The following GLIS3 variants were observed in gnomAD, a reference collection of about 807,000 sequenced individuals.
The protein encoded by GLIS3 is GLIS family zinc finger 3.
In GLIS3, 53 loss-of-function variants were observed where a neutral mutation model predicts 78.6. That is an observed-to-expected ratio of 0.67 (90% CI 0.54 to 0.85). The LOEUF (loss-of-function observed/expected upper bound fraction) is 0.85. Among genes scored for constraint, GLIS3 ranks in the 40% least tolerant of loss-of-function variants. The probability of loss-of-function intolerance (pLI) is 0.00; values close to 1 mark genes in which losing one functional copy is unlikely to be tolerated. For synonymous variants in GLIS3, 684 were observed against 509.9 expected, an observed-to-expected ratio of 1.34 and a Z score of -4.60; for missense variants, 1,703 against 1,231.1, an observed-to-expected ratio of 1.38 and a Z score of -5.74.
chr9:3,864,116 C>T (rs1033884120), intron 8 of GLIS3, among the ~76,000 whole-genome samples: 1 of 151,882 alleles, frequency 6.6e-6, no homozygotes, highest in African/African-American at 2.4e-5. Context: ...CAGAGTGGTC[C>T]TAGACATTTG....
chr9:3,909,864 C>T (rs1409931691), intron 6 of GLIS3, among the ~76,000 whole-genome samples: 9 of 152,178 alleles, frequency 5.9e-5, no homozygotes. Context: ...TAATTGATAG[C>T]CACTAGCCAT....
chr9:3,879,611 A>G lies in GLIS3; in HGVS notation c.2129-16T>C, dbSNP rs369287444. On this transcript the variant is annotated splice_polypyrimidine_tract_variant and intron_variant, in intron 7 of 10. Coordinates refer to ENST00000381971, the MANE Select transcript of GLIS3 (RefSeq NM_001042413.2). ...AAAATGGGAGCTGAAATCAAGGGAG[A>G]ACAAACATGAGACCGTGCCCCAAAG... 3 of 1,613,600 alleles carry G rather than the reference A, an allele frequency of 1.9e-6. No homozygotes were observed. The highest frequency in any genetic ancestry group is 2.5e-6 in the Non-Finnish European group (3 of 1,179,874).
intron 4 of GLIS3, among the ~76,000 whole-genome samples, chr9:3,993,790 T>C (rs780602188): frequency 2.6e-4 from 39 of 152,254 alleles, no homozygotes; most frequent in Admixed American, 2.0e-4. Flanking sequence ...TACTGCTAGA[T>C]TACTATTGGC....
intron 4 of GLIS3, among the ~76,000 whole-genome samples, chr9:3,991,119 A>T (rs1190319342): frequency 6.6e-6 from 1 of 152,162 alleles, no homozygotes; most frequent in East Asian, 1.9e-4. Context: ...TCCTGCAACC[A>T]CTTGTAGGGA....
At chr9:4,280,651 A>G (rs72690069) in intron 2 of GLIS3, among the ~76,000 whole-genome samples, 6,400 of 152,308 alleles carry the variant, frequency 0.042, 193 homozygotes, top group Middle Eastern at 0.088. Flanking sequence ...TTAAATGGGA[A>G]TAGCTGGGTA....
chr9:4,158,790 GAACACGAT>G (rs1835238918), intron 2 of GLIS3, among the ~76,000 whole-genome samples: 1 of 152,092 alleles, frequency 6.6e-6, no homozygotes, highest in Non-Finnish European at 1.5e-5. Context: ...ATGAATAAGT[GAACACGAT>G]AATTTCAAAT....
intron 4 of GLIS3, among the ~76,000 whole-genome samples, chr9:3,968,925 T>G (rs1421374268): frequency 6.6e-6 from 1 of 152,298 alleles, no homozygotes; most frequent in South Asian, 2.1e-4. Flanking sequence ...AGTGAGCAAA[T>G]TTAAATATGA....
At chr9:4,148,688 T>G (rs913415616) in intron 2 of GLIS3, among the ~76,000 whole-genome samples, 2 of 152,092 alleles carry the variant, frequency 1.3e-5, no homozygotes, top group African/African-American at 4.8e-5. Flanking sequence ...ACACCATACC[T>G]GTAGCAAGTT....
At chr9:3,843,719 C>T (rs1397845940) in intron 9 of GLIS3, among the ~76,000 whole-genome samples, 1 of 152,082 alleles carries the variant, frequency 6.6e-6, no homozygotes, top group Non-Finnish European at 1.5e-5. Flanking sequence ...GACAAAAATA[C>T]CACATCAGCC....
intron 2 of GLIS3, among the ~76,000 whole-genome samples, chr9:4,206,201 A>G (rs906671291): frequency 6.6e-6 from 1 of 152,252 alleles, no homozygotes; most frequent in South Asian, 2.1e-4. Flanking sequence ...AATAGTGACC[A>G]AGGGATATTG....
At chr9:4,407,196 G>C in the GLIS3 span, among the ~76,000 whole-genome samples, 7 of 152,318 alleles carry the variant, frequency 4.6e-5, no homozygotes, top group South Asian at 2.1e-4. Context: ...ATTGGGAAAA[G>C]ATAGTCTCTT....
the GLIS3 span, among the ~76,000 whole-genome samples, chr9:4,454,392 G>A: frequency 4.9e-4 from 74 of 152,284 alleles, no homozygotes; most frequent in African/African-American, 1.7e-3. Flanking sequence ...AAAATGTGGT[G>A]AATGAACCCT....
At position 4,318,281 on chromosome 9, in the gene GLIS3, A is replaced by G. The variant is rs532829796; in HGVS notation, n.265-7753T>C. 8.5e-5 allele frequency among the ~76,000 whole-genome samples: 13 copies of G among 152,264 alleles called. No individual in the cohort carries two copies. In the South Asian group the frequency reaches 1.0e-3, roughly 12 times the overall value. ...TGAACCCACAAATTTAAAGAAATGT[A>G]TATCTCCCAGTTCTGTTCACTGAAA... On this transcript the variant is annotated intron_variant and non_coding_transcript_variant, in intron 2 of 4. Transcript: ENST00000471664.
At chr9:4,038,146 T>C (rs191599071) in intron 4 of GLIS3, among the ~76,000 whole-genome samples, 1 of 152,270 alleles carries the variant, frequency 6.6e-6, no homozygotes, top group Admixed American at 6.5e-5. Flanking sequence ...CCAAGTAAAT[T>C]TTGTCACTCT....
chr9:4,066,175 G>A (rs749817028), intron 4 of GLIS3, among the ~76,000 whole-genome samples: 10 of 152,016 alleles, frequency 6.6e-5, no homozygotes, highest in Non-Finnish European at 1.3e-4. Flanking sequence ...AGAGCAAACA[G>A]CACTTGTTTG....
the GLIS3 span, among the ~76,000 whole-genome samples, chr9:4,402,102 A>C: frequency 6.6e-6 from 1 of 152,174 alleles, no homozygotes; most frequent in Admixed American, 6.5e-5. Flanking sequence ...AAGACCCAGT[A>C]CTATGTTGGC....
chr9:4,417,871 G>A, the GLIS3 span, among the ~76,000 whole-genome samples: 7 of 152,066 alleles, frequency 4.6e-5, no homozygotes, highest in Non-Finnish European at 1.0e-4. Flanking sequence ...TCCAAATCAA[G>A]TTTATTTTTT....
At chr9:3,885,731 T>G (rs890759204) in intron 7 of GLIS3, among the ~76,000 whole-genome samples, 2 of 152,112 alleles carry the variant, frequency 1.3e-5, no homozygotes, top group Non-Finnish European at 2.9e-5. Flanking sequence ...CCTGGAGAAT[T>G]TTAGAGCTGG....
At chr9:4,020,010 CAAAG>C (rs1259262686) in intron 4 of GLIS3, among the ~76,000 whole-genome samples, 2 of 152,154 alleles carry the variant, frequency 1.3e-5, no homozygotes, top group African/African-American at 4.8e-5. Context: ...CACCTCCTCC[CAAAG>C]CACTGGGATT....
Sources: allele counts gnomAD v4.1 joint callset (sites outside exome capture counted in the v4.1 genomes callset), GRCh38; gene constraint gnomAD v4.1.1; transcripts MANE v1.5; gene names NCBI Gene and HGNC (gene_info 2026-07-23, HGNC 2026-07-21).